The following ARL15 variants were observed in gnomAD, a reference collection of about 807,000 sequenced individuals.
The protein encoded by ARL15 is ARF like GTPase 15, also known as ADP-ribosylation factor-like protein 15.
A neutral mutation model predicts 25.2 loss-of-function variants in ARL15; 19 were observed. The ratio of observed to expected loss-of-function variants is 0.75; its 90% CI spans 0.53 to 1.10. The LOEUF is 1.10. Among genes scored for constraint, ARL15 ranks in the 50% least tolerant of loss-of-function variants. The probability of loss-of-function intolerance (pLI) is 0.00; values close to 1 mark genes in which losing one functional copy is unlikely to be tolerated. For synonymous variants in ARL15, 94 were observed against 86.8 expected (o/e 1.08, Z -0.46); for missense variants, 220 against 246.0 (o/e 0.89, Z 0.71).
chr5:54,062,916 T>G (rs1397541075), intron 4 of ARL15, among the ~76,000 whole-genome samples: 2 of 152,190 alleles, frequency 1.3e-5, no homozygotes, highest in Non-Finnish European at 2.9e-5. Flanking sequence ...ATGCTAAAGA[T>G]AGAGAGATCC....
chr5:54,263,137 G>GAA (rs111580658), intron 1 of ARL15, among the ~76,000 whole-genome samples: 1 of 149,508 alleles, frequency 6.7e-6, no homozygotes, highest in African/African-American at 2.5e-5. Flanking sequence ...CAATATTTTA[G>GAA]TTTTTTTTTT....
At chr5:54,288,591 AAACTCAATCATTATGAGC>A (rs1208761242) in intron 1 of ARL15, among the ~76,000 whole-genome samples, 7 of 152,374 alleles carry the variant, frequency 4.6e-5, no homozygotes, top group African/African-American at 9.6e-5. Context: ...CGTGGGGGCC[AAACTCAATCATTATGAGC>A]AAGTGCAAAT....
intron 4 of ARL15, among the ~76,000 whole-genome samples, chr5:54,028,876 A>T (rs1749873420): frequency 6.6e-6 from 1 of 152,076 alleles, no homozygotes; most frequent in South Asian, 2.1e-4. Context: ...CTAAAAATTA[A>T]CCAGGTATGG....
At chr5:53,972,158 G>T (rs1358489765) in intron 4 of ARL15, among the ~76,000 whole-genome samples, 1 of 151,860 alleles carries the variant, frequency 6.6e-6, no homozygotes, top group African/African-American at 2.4e-5. Context: ...AGAGTTAAAA[G>T]AAAAAAGTGG....
At chr5:54,274,698 A>T (rs935346653) in intron 1 of ARL15, among the ~76,000 whole-genome samples, 2 of 152,096 alleles carry the variant, frequency 1.3e-5, no homozygotes, top group Non-Finnish European at 2.9e-5. Flanking sequence ...GGAGTTCAAG[A>T]CCAGCCTGAC....
chr5:53,958,293 G>A (rs544317173), intron 4 of ARL15, among the ~76,000 whole-genome samples: 1 of 152,150 alleles, frequency 6.6e-6, no homozygotes, highest in Non-Finnish European at 1.5e-5. Flanking sequence ...AACATAAAGA[G>A]GAGGAGAACA....
At chr5:54,117,032 A>G (rs763384064) in intron 3 of ARL15, among the ~76,000 whole-genome samples, 1 of 152,214 alleles carries the variant, frequency 6.6e-6, no homozygotes, top group Non-Finnish European at 1.5e-5. Flanking sequence ...GTTATTAAGT[A>G]CCTATTCCAT....
intron 4 of ARL15, among the ~76,000 whole-genome samples, chr5:54,058,004 A>ATT (rs1289219585): frequency 4.3e-5 from 6 of 138,208 alleles, no homozygotes; most frequent in Non-Finnish European, 9.4e-5. Flanking sequence ...TTATTTATTT[A>ATT]TTTATTTATT....
chr5:53,997,117 C>T (rs1489048808), intron 4 of ARL15, among the ~76,000 whole-genome samples: 2 of 152,148 alleles, frequency 1.3e-5, no homozygotes, highest in Admixed American at 6.5e-5. Flanking sequence ...AATTCGTTTG[C>T]TGAACCTTGG....
Position 54,060,152 on chromosome 5 carries a change from A to C in ARL15, c.462+53050T>G, listed in dbSNP as rs923811492. Among the ~76,000 whole-genome samples the C allele has an allele frequency of 5.0e-3, 717 of 142,540 alleles. 3 individuals carry two copies. Among genetic ancestry groups the C allele is most frequent in the Admixed American group, 0.011 (152 of 14,422 alleles). 93.5% of individuals were successfully genotyped at this position (142,540 alleles called of 152,430 possible). On this transcript the variant is annotated intron_variant, in intron 4 of 4. Coordinates refer to ENST00000504924, the MANE Select transcript of ARL15 (RefSeq NM_019087.3). ...ACTAAAAAAAAAAAAAAAAAAAAAA[A>C]CCCCGGGTGCGGTGTCTCACACCTG...
intron 1 of ARL15, among the ~76,000 whole-genome samples, chr5:54,270,488 G>A (rs545771467): frequency 4.6e-5 from 7 of 152,296 alleles, no homozygotes; most frequent in African/African-American, 1.7e-4. Flanking sequence ...TATCCCCAGG[G>A]GCATGTGTAT....
intron 3 of ARL15, among the ~76,000 whole-genome samples, chr5:54,134,568 C>CT (rs5867914): frequency 0.027 from 1,387 of 51,810 alleles, 394 homozygotes; most frequent in Non-Finnish European, 0.036. Context: ...GAATGATTAG[C>CT]TTTTTTTTTT....
intron 4 of ARL15, among the ~76,000 whole-genome samples, chr5:53,982,964 G>T (rs1372082378): frequency 1.3e-5 from 2 of 152,078 alleles, no homozygotes; most frequent in African/African-American, 4.8e-5. Context: ...TATGTTTGTT[G>T]GCTGCATAAA....
intron 1 of ARL15, among the ~76,000 whole-genome samples, chr5:54,268,943 T>C (rs1326316256): frequency 6.6e-6 from 1 of 152,014 alleles, no homozygotes; most frequent in African/African-American, 2.4e-5. Context: ...AAATTGGAAA[T>C]CATCATTCTC....
intron 1 of ARL15, among the ~76,000 whole-genome samples, chr5:54,294,443 T>C (rs1758416370): frequency 6.6e-6 from 1 of 152,190 alleles, no homozygotes; most frequent in African/African-American, 2.4e-5. Flanking sequence ...CCCAAATGCC[T>C]GCCAAACATT....
At chr5:54,242,662 G>A (rs1017343245) in intron 1 of ARL15, among the ~76,000 whole-genome samples, 1 of 152,186 alleles carries the variant, frequency 6.6e-6, no homozygotes, top group Admixed American at 6.5e-5. Context: ...AGGAAGGGAA[G>A]CCTCTTCTGA....
At chr5:54,230,329 A>T (rs1756631474) in intron 1 of ARL15, among the ~76,000 whole-genome samples, 2 of 141,954 alleles carry the variant, frequency 1.4e-5, no homozygotes, top group South Asian at 4.9e-4. Context: ...CTGGAGACAG[A>T]GTGAGATTCC....
At chr5:54,184,250 A>T (rs74784373) in intron 1 of ARL15, among the ~76,000 whole-genome samples, 2,240 of 9,842 alleles carry the variant, frequency 0.23, 25 homozygotes, top group Non-Finnish European at 0.27. Context: ...AAAGTATAAT[A>T]AAAAAAAAAT....
intron 4 of ARL15, among the ~76,000 whole-genome samples, chr5:53,901,452 G>A (rs1057176870): frequency 2.0e-5 from 3 of 152,126 alleles, no homozygotes; most frequent in African/African-American, 7.2e-5. Context: ...GAGTTAATGA[G>A]TGAAAGCCCC....
Sources: allele counts gnomAD v4.1 joint callset (sites outside exome capture counted in the v4.1 genomes callset), GRCh38; gene constraint gnomAD v4.1.1; transcripts MANE v1.5; gene names NCBI Gene and HGNC (gene_info 2026-07-23, HGNC 2026-07-21).